Variants in PRCC observed in about 807,000 individuals in gnomAD.
PRCC encodes the protein proline-rich protein PRCC.
Under a neutral mutation model 44.0 loss-of-function variants are expected in PRCC, and 10 were observed. The ratio of observed to expected loss-of-function variants is 0.23; its 90% CI spans 0.14 to 0.39. The LOEUF is 0.39. PRCC is among the 10% of genes least tolerant of loss of function. The pLI, the probability that PRCC is intolerant of heterozygous loss-of-function variation, is 1.00. For synonymous variants in PRCC, 278 were observed against 259.5 expected (o/e 1.07, Z -0.69); for missense variants, 573 against 624.7 (o/e 0.92, Z 0.88).
intron 1 of PRCC, among the ~76,000 whole-genome samples, chr1:156,779,190 T>C (rs1452234850): frequency 7.9e-6 from 1 of 126,938 alleles, no homozygotes; most frequent in Admixed American, 9.1e-5. Context: ...GGTCTTACTC[T>C]GTCACCCAGG....
rs1651473409 is a variant in PRCC, at chr1:156,767,994, C to T, written c.223C>T (p.Pro75Ser). The change falls in exon 1 of 7, where the codon CCC becomes TCC. Residue 75 changes from proline (P) to serine (S), a missense_variant. Pro to Ser is a moderately conservative substitution (Grantham distance 74). Transcript: ENST00000271526. ...GTTGCTTCCCCCACCCACCGGAGAC[C>T]CCAGGCTTCAGCCTCCTCCCCCCTT... is the stretch of plus-strand genomic sequence containing the variant. ...PLLLPPPTGDPRLQPPPPLPF... is the reference protein window; with the variant it reads ...PLLLPPPTGDSRLQPPPPLPF... The T allele has an allele frequency of 6.3e-7, 1 of 1,576,276 alleles. No homozygotes were observed. Among genetic ancestry groups the T allele is most frequent in the Non-Finnish European group, 8.6e-7 (1 of 1,160,074 alleles).
Position 156,786,651 on chromosome 1 carries a change from C to G in PRCC, c.560C>G (p.Pro187Arg). Residue 187 changes from proline to arginine, a missense_variant, in exon 3 of 7, where the codon CCT becomes CGT. Transcript: ENST00000271526. ...GGTTTGTCTGCCTTGCTTCCCCAACCTAAAAACCTGACTGTGAAAGAGACT... is the reference window on the plus strand; with the variant it reads ...GGTTTGTCTGCCTTGCTTCCCCAACGTAAAAACCTGACTGTGAAAGAGACT... Reference protein sequence around the residue: ...GTGLSALLPQPKNLTVKETNR... With the variant: ...GTGLSALLPQRKNLTVKETNR... The G allele has an allele frequency of 6.2e-7, 1 of 1,614,050 alleles. No homozygotes were observed. The highest frequency in any genetic ancestry group is 8.5e-7 in the Non-Finnish European group (1 of 1,179,952).
At chr1:156,787,480 T>C (rs1349859393) in intron 3 of PRCC, among the ~76,000 whole-genome samples, 1 of 123,036 alleles carries the variant, frequency 8.1e-6, no homozygotes, top group African/African-American at 3.2e-5. Flanking sequence ...TATATATATA[T>C]ATATATATAT....
At chr1:156,792,392 T>TCTCA (rs943284873) in intron 4 of PRCC, among the ~76,000 whole-genome samples, 15 of 152,162 alleles carry the variant, frequency 9.9e-5, no homozygotes, top group Admixed American at 6.5e-4. Flanking sequence ...TCCACTTTGA[T>TCTCA]CTCACTGACT....
intron 6 of PRCC, 119 bp from the exon 7 acceptor site, chr1:156,800,255 T>G (rs1170906262): frequency 5.7e-6 from 5 of 873,132 alleles, no homozygotes; most frequent in Non-Finnish European, 9.1e-6. Context: ...GGGTTTGCAG[T>G]TCCCCCATAA....
chr1:156,778,483 C>T (rs994683603), intron 1 of PRCC, among the ~76,000 whole-genome samples: 1 of 151,992 alleles, frequency 6.6e-6, no homozygotes, highest in African/African-American at 2.4e-5. Flanking sequence ...AATAATGCTA[C>T]AGTGAACATG....
chr1:156,798,348 C>T (rs1173747770), intron 6 of PRCC, among the ~76,000 whole-genome samples: 1 of 152,196 alleles, frequency 6.6e-6, no homozygotes, highest in South Asian at 2.1e-4. Flanking sequence ...GCTCTGTTGC[C>T]AGGCTGGAGT....
At chr1:156,791,467 AAT>A in intron 3 of PRCC, 1 of 556,838 alleles carries the variant, frequency 1.8e-6, no homozygotes, top group East Asian at 3.0e-5. Flanking sequence ...TTTCCTAAAA[AAT>A]ATCCATCTGT....
intron 1 of PRCC, among the ~76,000 whole-genome samples, chr1:156,770,854 C>A (rs1651607142): frequency 6.6e-6 from 1 of 152,238 alleles, no homozygotes; most frequent in African/African-American, 2.4e-5. Flanking sequence ...AATTAACTCT[C>A]AACCATTTCG....
At chr1:156,779,702 A>G (rs753768601) in intron 1 of PRCC, among the ~76,000 whole-genome samples, 3 of 151,916 alleles carry the variant, frequency 2.0e-5, no homozygotes, top group Non-Finnish European at 2.9e-5. Flanking sequence ...TGTTTTGTAA[A>G]AAATTTCTGA....
chr1:156,792,899 C>T (rs1000371192), intron 4 of PRCC, among the ~76,000 whole-genome samples: 3 of 152,120 alleles, frequency 2.0e-5, no homozygotes, highest in African/African-American at 7.2e-5. Flanking sequence ...TGTTAAATAC[C>T]GTTGTGTTTC....
chr1:156,786,736 T>A lies in PRCC; in HGVS notation c.645T>A (p.Thr215=). 6.2e-7 allele frequency: 1 copy of A among 1,614,196 alleles called. No individual in the cohort carries two copies. The highest frequency in any genetic ancestry group is 8.5e-7 in the Non-Finnish European group (1 of 1,180,034). Residue 215 remains threonine, a synonymous_variant, in exon 3 of 7, where the codon ACT becomes ACA. Transcript: ENST00000271526. ...SRKPSDGSPD[T]KPSRLASKTK... ...AACCCTCGGATGGCTCCCCTGATAC[T>A]AAGCCCTCCAGACTGGCTTCTAAGA...
chr1:156,795,506 C>CT (rs1256217307), intron 5 of PRCC, among the ~76,000 whole-genome samples: 1 of 151,990 alleles, frequency 6.6e-6, no homozygotes, highest in Non-Finnish European at 1.5e-5. Context: ...TCTCGAACTC[C>CT]TGGCCTCGAG....
chr1:156,786,090 G>A (rs1047818993), intron 2 of PRCC, among the ~76,000 whole-genome samples: 2 of 152,078 alleles, frequency 1.3e-5, no homozygotes, highest in Non-Finnish European at 2.9e-5. Context: ...GATTACAGGC[G>A]TGAGCCACCA....
intron 2 of PRCC, among the ~76,000 whole-genome samples, chr1:156,784,984 C>CT (rs1652181271): frequency 6.6e-6 from 1 of 151,406 alleles, no homozygotes. Context: ...GGGTAGGGGA[C>CT]TTTCTTCAGA....
chr1:156,775,541 C>T (rs1287794894), intron 1 of PRCC, among the ~76,000 whole-genome samples: 2 of 146,570 alleles, frequency 1.4e-5, no homozygotes, highest in Non-Finnish European at 3.0e-5. Context: ...GACAGAGTCT[C>T]GCTCTGTCGC....
At chr1:156,792,146 C>T (rs1196468136) in intron 4 of PRCC, among the ~76,000 whole-genome samples, 1 of 132,808 alleles carries the variant, frequency 7.5e-6, no homozygotes, top group Non-Finnish European at 1.5e-5. Flanking sequence ...AGCATTCCTT[C>T]TGCCTTGGTC....
intron 3 of PRCC, among the ~76,000 whole-genome samples, chr1:156,790,181 G>A (rs1265169786): frequency 1.3e-5 from 2 of 152,262 alleles, no homozygotes; most frequent in African/African-American, 2.4e-5. Flanking sequence ...CTGGGCATGA[G>A]TGAAGAGAGA....
In PRCC at chr1:156,800,659, A is replaced by G. The variant is rs1428393994; in HGVS notation, c.*199A>G. ...TTCAGCTCCTTTCTGTCCTGGAGCTAGCAAAGACTTGTGTGATGCCTCCGA... is the reference window on the plus strand; with the variant it reads ...TTCAGCTCCTTTCTGTCCTGGAGCTGGCAAAGACTTGTGTGATGCCTCCGA... On this transcript the variant is annotated 3_prime_UTR_variant, in exon 7 of 7. Transcript: ENST00000271526. The G allele has an allele frequency of 1.8e-6, 1 of 555,832 alleles. No homozygotes were observed. The highest frequency in any genetic ancestry group is 3.2e-6 in the Non-Finnish European group (1 of 312,322). 34.4% of individuals were successfully genotyped at this position (555,832 alleles called of 1,614,324 possible). A position where few individuals can be genotyped will look rare whatever the true frequency, so the allele number is the denominator to read the frequency against.
Sources: allele counts gnomAD v4.1 joint callset (sites outside exome capture counted in the v4.1 genomes callset), GRCh38; gene constraint gnomAD v4.1.1; transcripts MANE v1.5; gene names NCBI Gene and HGNC (gene_info 2026-07-23, HGNC 2026-07-21).